The following LIN7A variants were observed in gnomAD, a reference collection of about 807,000 sequenced individuals.
LIN7A encodes the protein protein lin-7 homolog A.
In LIN7A, 25 loss-of-function variants were observed where a neutral mutation model predicts 29.8. The observed-to-expected ratio is 0.84, with a 90% CI of 0.61 to 1.17. LIN7A has a LOEUF of 1.17. LIN7A is among the 50% of genes most tolerant of loss of function. LIN7A has a pLI of 0.00. For synonymous variants in LIN7A, 118 were observed against 107.5 expected (o/e 1.10, Z -0.60); for missense variants, 239 against 287.0 (o/e 0.83, Z 1.21).
chr12:80,903,502 A>C (rs1031200735), intron 1 of LIN7A, among the ~76,000 whole-genome samples: 1 of 152,096 alleles, frequency 6.6e-6, no homozygotes, highest in Non-Finnish European at 1.5e-5. Context: ...CTCCAGTTCC[A>C]TTCATGTTGC....
chr12:80,809,430 A>T (rs1871186417), intron 5 of LIN7A, among the ~76,000 whole-genome samples: 2 of 152,264 alleles, frequency 1.3e-5, no homozygotes, highest in South Asian at 4.1e-4. Context: ...ATACACATTC[A>T]CAGACATCAT....
intron 2 of LIN7A, among the ~76,000 whole-genome samples, chr12:80,887,368 A>G (rs1005459395): frequency 6.6e-6 from 1 of 152,110 alleles, no homozygotes; most frequent in Non-Finnish European, 1.5e-5. Context: ...ACATTTTCAA[A>G]AGAAAATAAA....
intron 5 of LIN7A, among the ~76,000 whole-genome samples, chr12:80,798,343 C>T (rs1870552328): frequency 6.6e-6 from 1 of 152,134 alleles, no homozygotes; most frequent in South Asian, 2.1e-4. Flanking sequence ...TCTTCGTTCT[C>T]AAAGCTGCAG....
At chr12:80,898,408 C>T (rs940282768) in intron 1 of LIN7A, among the ~76,000 whole-genome samples, 1 of 152,092 alleles carries the variant, frequency 6.6e-6, no homozygotes, top group African/African-American at 2.4e-5. Flanking sequence ...AACTGTGATG[C>T]CTCCAGCTCT....
At chr12:80,808,511 T>C (rs1210339650) in intron 5 of LIN7A, among the ~76,000 whole-genome samples, 8 of 149,914 alleles carry the variant, frequency 5.3e-5, no homozygotes, top group Non-Finnish European at 1.0e-4. Context: ...TTTTTTCTTT[T>C]TTTTTTTTTT....
intron 1 of LIN7A, among the ~76,000 whole-genome samples, chr12:80,903,673 T>G (rs77038285): frequency 7.6e-6 from 1 of 130,836 alleles, no homozygotes; most frequent in South Asian, 2.3e-4. Flanking sequence ...GTTATAAAGA[T>G]TTTTTTTTTC....
chr12:80,875,716 C>T (rs369069133), intron 2 of LIN7A, among the ~76,000 whole-genome samples: 1 of 152,190 alleles, frequency 6.6e-6, no homozygotes, highest in East Asian at 1.9e-4. Context: ...TCCATGGACC[C>T]AACAAATATT....
intron 1 of LIN7A, among the ~76,000 whole-genome samples, chr12:80,904,537 T>G (rs148097512): frequency 2.2e-4 from 33 of 152,302 alleles, no homozygotes; most frequent in African/African-American, 7.2e-4. Context: ...CATGCAGTAT[T>G]TGTTTTCCTG....
chr12:80,853,346 AAAC>A (rs1873426927), intron 2 of LIN7A, among the ~76,000 whole-genome samples: 1 of 51,484 alleles, frequency 1.9e-5, no homozygotes, highest in Admixed American at 2.7e-4. Flanking sequence ...AAAAAAAAAG[AAAC>A]TCTTTGAAAA....
chr12:80,814,824 C>G (rs985617796), intron 4 of LIN7A, among the ~76,000 whole-genome samples: 1 of 152,132 alleles, frequency 6.6e-6, no homozygotes, highest in Non-Finnish European at 1.5e-5. Flanking sequence ...GACAAGGACT[C>G]AGATTCTCTT....
chr12:80,842,229 T>A, intron 4 of LIN7A: 2 of 779,048 alleles, frequency 2.6e-6, no homozygotes, highest in Non-Finnish European at 3.6e-6. Context: ...TAACATTCCA[T>A]GTTAATAGTT....
At chr12:80,837,128 G>C (rs916246569) in intron 4 of LIN7A, among the ~76,000 whole-genome samples, 1 of 152,064 alleles carries the variant, frequency 6.6e-6, no homozygotes, top group African/African-American at 2.4e-5. Flanking sequence ...GCTGTTTTGA[G>C]ACTAGAAAAC....
intron 5 of LIN7A, among the ~76,000 whole-genome samples, chr12:80,801,897 C>CTTTTT (rs538377751): frequency 7.2e-6 from 1 of 138,636 alleles, no homozygotes; most frequent in African/African-American, 2.7e-5. Context: ...ATGAGTCTAA[C>CTTTTT]TTTTTTTTTT....
chr12:80,895,765 C>A (rs1875856020), intron 1 of LIN7A, among the ~76,000 whole-genome samples: 2 of 152,098 alleles, frequency 1.3e-5, no homozygotes, highest in South Asian at 4.1e-4. Context: ...TTTCTTTTGA[C>A]AGATATAATG....
chr12:80,826,169 T>C (rs1185932609), intron 4 of LIN7A, among the ~76,000 whole-genome samples: 2 of 152,254 alleles, frequency 1.3e-5, no homozygotes, highest in African/African-American at 2.4e-5. Context: ...GCTGTGCATA[T>C]AAATGTCTTT....
intron 4 of LIN7A, 88 bp from the exon 5 acceptor site, chr12:80,811,771 C>A: frequency 6.8e-7 from 1 of 1,474,300 alleles, no homozygotes. Flanking sequence ...ACATTAAGAA[C>A]CCAAAATTTA....
intron 2 of LIN7A, among the ~76,000 whole-genome samples, chr12:80,882,572 C>T (rs1875115801): frequency 6.6e-6 from 1 of 152,018 alleles, no homozygotes; most frequent in African/African-American, 2.4e-5. Context: ...GCGTGAGCCA[C>T]CGCGCCCGGC....
At chr12:80,848,664 A>G (rs757300971) in intron 2 of LIN7A, among the ~76,000 whole-genome samples, 1 of 152,058 alleles carries the variant, frequency 6.6e-6, no homozygotes, top group Admixed American at 6.6e-5. Context: ...TGCCTTGAGG[A>G]AGATGTTTGG....
At chr12:80,845,609 A>G in intron 4 of LIN7A, 121 bp downstream of exon 4, 1 of 724,636 alleles carries the variant, frequency 1.4e-6, no homozygotes, top group South Asian at 2.0e-5. Context: ...ATGCTTAGAA[A>G]GCTGGTTAGA....
Sources: allele counts gnomAD v4.1 joint callset (sites outside exome capture counted in the v4.1 genomes callset), GRCh38; gene constraint gnomAD v4.1.1; transcripts MANE v1.5; gene names NCBI Gene and HGNC (gene_info 2026-07-23, HGNC 2026-07-21).